Variants in ATP6V1C2 observed in about 807,000 individuals in gnomAD.
ATP6V1C2 encodes V-type proton ATPase subunit C 2.
In ATP6V1C2, 45 loss-of-function variants were observed where a neutral mutation model predicts 56.8. The observed-to-expected ratio is 0.79, with a 90% CI of 0.62 to 1.02. The LOEUF (loss-of-function observed/expected upper bound fraction) is 1.02, where lower values mean the gene tolerates loss of function less well. Among genes scored for constraint, ATP6V1C2 ranks in the 50% least tolerant of loss-of-function variants. ATP6V1C2 has a pLI of 0.00. For synonymous variants in ATP6V1C2, 220 were observed against 201.3 expected (o/e 1.09, Z -0.79); for missense variants, 463 against 519.7 (o/e 0.89, Z 1.06).
chr2:10,737,689 G>GTT (rs1662330340), intron 3 of ATP6V1C2, among the ~76,000 whole-genome samples: 1 of 151,826 alleles, frequency 6.6e-6, no homozygotes, highest in Non-Finnish European at 1.5e-5. Context: ...GTCTGTGACA[G>GTT]TTTGTTTGTT....
At chr2:10,767,470 T>G (rs543440749) in intron 5 of ATP6V1C2, among the ~76,000 whole-genome samples, 2 of 151,892 alleles carry the variant, frequency 1.3e-5, no homozygotes, top group Admixed American at 1.3e-4. Context: ...TATTATATAT[T>G]TTTTTGAGAC....
intron 12 of ATP6V1C2, among the ~76,000 whole-genome samples, chr2:10,781,968 T>G (rs545406509): frequency 5.7e-4 from 87 of 152,360 alleles, no homozygotes; most frequent in Non-Finnish European, 9.4e-4. Context: ...TGCATTCAAC[T>G]TGAGCATGCA....
intron 10 of ATP6V1C2, among the ~76,000 whole-genome samples, chr2:10,775,480 G>A (rs1664905553): frequency 6.6e-6 from 1 of 152,212 alleles, no homozygotes; most frequent in Non-Finnish European, 1.5e-5. Context: ...GAGCATCTGT[G>A]TGCAGGGTGG....
At chr2:10,725,677 T>C (rs2148404537) in intron 2 of ATP6V1C2, among the ~76,000 whole-genome samples, 1 of 151,156 alleles carries the variant, frequency 6.6e-6, no homozygotes, top group African/African-American at 2.4e-5. Context: ...GTATTTTTAG[T>C]AGAGACAGGG....
chr2:10,722,161 A>T (rs1270853384), intron 1 of ATP6V1C2, among the ~76,000 whole-genome samples: 3 of 152,182 alleles, frequency 2.0e-5, no homozygotes, highest in African/African-American at 7.2e-5. Flanking sequence ...GTGAAGGAGC[A>T]GCACGAATCG....
In ATP6V1C2 at chr2:10,774,794, T is replaced by C. The variant is rs775004291; in HGVS notation, c.645T>C (p.Ile215=). 4 of 1,613,866 alleles carry C rather than the reference T, an allele frequency of 2.5e-6. No homozygotes were observed. In the African/African-American group the frequency reaches 5.3e-5, roughly 22 times the overall value. The change falls in exon 9 of 14, where the codon ATT becomes ATC. Residue 215 remains isoleucine, a synonymous_variant. Coordinates refer to ENST00000272238, the MANE Select transcript of ATP6V1C2 (RefSeq NM_001039362.2). Reference sequence around the variant, plus strand: ...AGATGCTTCTCTCCAACAGACTCATTACTGAGGACAAGGAAGGGGGCCTTT... The same window carrying C: ...AGATGCTTCTCTCCAACAGACTCATCACTGAGGACAAGGAAGGGGGCCTTT... ...DMVVPRSTKL[I]TEDKEGGLFT...
chr2:10,778,583 G>A lies in ATP6V1C2; in HGVS notation c.975G>A (p.Leu325=). ...TTCTGTCTTTGCAGGGCCCCCTGCT[G>A]CGCTGGCTCAAGGTGAACTTCAGTG... ...ESEGEGEGPL[L]RWLKVNFSEA... is the part of the protein sequence containing the mutation. Residue 325 remains leucine, a synonymous_variant, in exon 12 of 14, where the codon CTG becomes CTA. Coordinates refer to ENST00000272238, the MANE Select transcript of ATP6V1C2 (RefSeq NM_001039362.2). 6 of 1,614,200 alleles carry A rather than the reference G, an allele frequency of 3.7e-6. No individual in the cohort carries two copies. The highest frequency in any genetic ancestry group is 4.2e-6 in the Non-Finnish European group (5 of 1,180,022).
intron 12 of ATP6V1C2, among the ~76,000 whole-genome samples, chr2:10,781,477 C>CAA (rs112137462): frequency 2.8e-5 from 4 of 144,296 alleles, no homozygotes; most frequent in African/African-American, 1.0e-4. Context: ...GATTCTGTCT[C>CAA]AAAAAAAAAA....
rs1299764651 is a variant in ATP6V1C2, at chr2:10,774,830, T to A, written c.681T>A (p.Thr227=). The A allele has an allele frequency of 1.2e-6, 2 of 1,614,074 alleles. No individual in the cohort carries two copies. Among genetic ancestry groups the A allele is most frequent in the Non-Finnish European group, 1.7e-6 (2 of 1,180,034 alleles). The stretch of plus-strand genomic sequence containing the variant: ...AGGAAGGGGGCCTTTTCACTGTGAC[T>A]CTGTTTCGAAAAGTGATTGAAGATT... ...EDKEGGLFTV[T]LFRKVIEDFK... Residue 227 remains threonine (T), a synonymous_variant, in exon 9 of 14, where the codon ACT becomes ACA. Transcript: ENST00000272238.
At chr2:10,742,389 T>C (rs1351337869) in intron 3 of ATP6V1C2, among the ~76,000 whole-genome samples, 1 of 152,156 alleles carries the variant, frequency 6.6e-6, no homozygotes, top group Non-Finnish European at 1.5e-5. Flanking sequence ...CAACCCTTCC[T>C]TCTACAAAGA....
chr2:10,783,378 T>C lies in ATP6V1C2; in HGVS notation c.*115T>C, dbSNP rs1285470336. ...AGAACTAAGATCTTTTTCAGAGAAA[T>C]TGCTCACAAAAGTTAGTGACAGTTG... On this transcript the variant is annotated 3_prime_UTR_variant, in exon 14 of 14. Transcript: ENST00000272238. The C allele has an allele frequency of 6.9e-5, 44 of 635,218 alleles. No individual in the cohort carries two copies. The Admixed American group carries it at 1.4e-3, about 21-fold the overall frequency. The allele number at this position is 635,218 out of a possible 1,614,324, so 39.3% of individuals were successfully genotyped here.
intron 3 of ATP6V1C2, among the ~76,000 whole-genome samples, chr2:10,728,810 G>A (rs1300614539): frequency 2.0e-5 from 3 of 149,816 alleles, no homozygotes; most frequent in Non-Finnish European, 3.0e-5. Context: ...TGAGGATGTC[G>A]TGGAGTCTTA....
At chr2:10,725,905 C>A (rs879808589) in intron 2 of ATP6V1C2, among the ~76,000 whole-genome samples, 10 of 151,600 alleles carry the variant, frequency 6.6e-5, no homozygotes, top group African/African-American at 1.5e-4. Context: ...CATGGAGAAA[C>A]CCTGTCTCTA....
intron 3 of ATP6V1C2, among the ~76,000 whole-genome samples, chr2:10,738,208 A>T (rs917528801): frequency 1.3e-5 from 2 of 152,198 alleles, no homozygotes; most frequent in African/African-American, 4.8e-5. Flanking sequence ...TCACCTGGTC[A>T]TCCTGACTGC....
At chr2:10,739,050 C>G (rs1662405946) in intron 3 of ATP6V1C2, among the ~76,000 whole-genome samples, 1 of 152,130 alleles carries the variant, frequency 6.6e-6, no homozygotes, top group South Asian at 2.1e-4. Context: ...TAAAAGCACC[C>G]TATCACAGAT....
Position 10,775,002 on chromosome 2 carries a change from T to C in ATP6V1C2, c.756T>C (p.Tyr252=), listed in dbSNP as rs552419266. 6.2e-7 allele frequency: 1 copy of C among 1,614,096 alleles called. No individual in the cohort carries two copies. The highest frequency in any genetic ancestry group is 1.1e-5 in the South Asian group (1 of 91,074). Residue 252 remains tyrosine, a synonymous_variant, in exon 10 of 14, where the codon TAT becomes TAC. Coordinates refer to ENST00000272238, the MANE Select transcript of ATP6V1C2 (RefSeq NM_001039362.2). ...ENKFTVREFY[Y]DEKEIERERE... is the part of the protein sequence containing the mutation. ...GGTTCACTGTTCGTGAATTTTACTA[T>C]GATGAGAAGGAAATTGAAAGGGAAA...
intron 3 of ATP6V1C2, among the ~76,000 whole-genome samples, chr2:10,748,176 G>A (rs1265258709): frequency 6.6e-6 from 1 of 152,208 alleles, no homozygotes; most frequent in African/African-American, 2.4e-5. Flanking sequence ...GATTACAGGT[G>A]TGAGCCACTG....
chr2:10,778,629 C>T lies in ATP6V1C2; in HGVS notation c.1021C>T (p.His341Tyr). ...NFSEAFIAWI[H>Y]IKALRVFVES... ...CAGTGAAGCCTTCATTGCCTGGATC[C>T]ACATCAAGGCCCTGAGAGTGTTTGT... The change falls in exon 12 of 14, where the codon CAC (histidine) becomes TAC (tyrosine). Residue 341 changes from histidine (H) to tyrosine (Y), a missense_variant. Transcript: ENST00000272238. 6.2e-7 allele frequency: 1 copy of T among 1,614,230 alleles called. No homozygotes were observed. The highest frequency in any genetic ancestry group is 8.5e-7 in the Non-Finnish European group (1 of 1,180,030).
At chr2:10,737,036 G>T (rs1662287241) in intron 3 of ATP6V1C2, among the ~76,000 whole-genome samples, 1 of 151,808 alleles carries the variant, frequency 6.6e-6, no homozygotes, top group African/African-American at 2.4e-5. Flanking sequence ...GGCATGAACC[G>T]CTGTCCTCAG....
Sources: allele counts gnomAD v4.1 joint callset (sites outside exome capture counted in the v4.1 genomes callset), GRCh38; gene constraint gnomAD v4.1.1; transcripts MANE v1.5; gene names NCBI Gene and HGNC (gene_info 2026-07-23, HGNC 2026-07-21).